Variants in RIC3 observed in about 807,000 individuals in gnomAD.
The protein encoded by RIC3 is RIC3 acetylcholine receptor chaperone.
In RIC3, 28 loss-of-function variants were observed where a neutral mutation model predicts 27.3. The observed-to-expected ratio is 1.02, with a 90% CI of 0.76 to 1.41. The LOEUF (loss-of-function observed/expected upper bound fraction) is 1.41. Ranked by LOEUF, RIC3 falls within the 40% of genes most tolerant of loss-of-function variation. RIC3 has a pLI of 0.00. For missense variants in RIC3, 501 were observed against 444.7 expected, an observed-to-expected ratio of 1.13 and a Z score of -1.14; for synonymous variants, 184 against 160.4, an observed-to-expected ratio of 1.15 and a Z score of -1.11.
At chr11:8,165,696 C>A (rs1425828832) in intron 1 of RIC3, among the ~76,000 whole-genome samples, 4 of 141,614 alleles carry the variant, frequency 2.8e-5, no homozygotes, top group South Asian at 2.3e-4. Context: ...TAAATTAGAT[C>A]TCAAGAAAGC....
At chr11:8,100,939 C>T in the RIC3 span, 1 of 1,614,174 alleles carries the variant, frequency 6.2e-7, no homozygotes, top group Non-Finnish European at 8.5e-7. Flanking sequence ...TACTCAACTT[C>T]CATGGGCGCG....
At chr11:8,101,020 A>G in the RIC3 span, 1 of 1,613,616 alleles carries the variant, frequency 6.2e-7, no homozygotes, top group East Asian at 2.2e-5. Flanking sequence ...GTCCCTACTC[A>G]TTATGGTCCG....
At chr11:8,159,789 G>A (rs1049842211) in intron 1 of RIC3, among the ~76,000 whole-genome samples, 14 of 152,070 alleles carry the variant, frequency 9.2e-5, no homozygotes, top group Admixed American at 2.0e-4. Flanking sequence ...TCAAGGGTTC[G>A]ATACCAGCCT....
At chr11:8,117,988 C>A (rs184638106) in intron 5 of RIC3, among the ~76,000 whole-genome samples, 3 of 151,492 alleles carry the variant, frequency 2.0e-5, no homozygotes, top group African/African-American at 7.3e-5. Context: ...TTTGGGAGGC[C>A]GAGGCGGGCA....
the RIC3 span, among the ~76,000 whole-genome samples, chr11:8,096,482 A>G: frequency 2.0e-5 from 3 of 152,178 alleles, no homozygotes; most frequent in Non-Finnish European, 4.4e-5. Flanking sequence ...TGTACCTGAG[A>G]GAATATCCTT....
At chr11:8,148,015 T>C (rs1949882196) in intron 1 of RIC3, among the ~76,000 whole-genome samples, 1 of 152,036 alleles carries the variant, frequency 6.6e-6, no homozygotes, top group East Asian at 1.9e-4. Flanking sequence ...ATGAGCCGAA[T>C]TTGGGTAAGA....
In RIC3 at chr11:8,139,982, C is replaced by G. The variant is rs1274849559; in HGVS notation, c.336G>C (p.Leu112=). The G allele has an allele frequency of 1.9e-6, 3 of 1,613,276 alleles. No individual in the cohort carries two copies. In the African/African-American group the frequency reaches 4.0e-5, roughly 22 times the overall value. ...IYGFGIFLYI[L]YILFKLSKGK... is the part of the protein sequence containing the mutation. ...TTCTACTTACCTTAAATAGAATGTA[C>G]AGTATATATAAAAAAATCCCAAAAC... The change falls in exon 2 of 6, where the codon CTG becomes CTC. Residue 112 remains leucine, a synonymous_variant. Transcript: ENST00000309737.
intron 1 of RIC3, among the ~76,000 whole-genome samples, chr11:8,165,515 C>T (rs1398188624): frequency 6.6e-6 from 1 of 152,008 alleles, no homozygotes; most frequent in East Asian, 1.9e-4. Flanking sequence ...TGAGTGGTTG[C>T]CTAGGGCTGG....
At chr11:8,155,498 C>G (rs909392671) in intron 1 of RIC3, among the ~76,000 whole-genome samples, 1 of 152,106 alleles carries the variant, frequency 6.6e-6, no homozygotes, top group African/African-American at 2.4e-5. Flanking sequence ...ATCGCTTGAA[C>G]CCGGGAGGCG....
In RIC3 at chr11:8,165,325, A is replaced by G. The variant is rs148641160; in HGVS notation, c.124+3541T>C. ...GATTAATGAATAAATGAAATGTGGT[A>G]TATCCACACAATGAAATATTATTCA... On this transcript the variant is annotated intron_variant, in intron 1 of 5. Transcript: ENST00000309737. 9.9e-4 allele frequency among the ~76,000 whole-genome samples: 134 copies of G among 134,964 alleles called. 1 individual carries two copies. Among genetic ancestry groups the G allele is most frequent in the Non-Finnish European group, 7.8e-4 (48 of 61,522 alleles). The allele number at this position is 134,964 out of a possible 152,430, so 88.5% of individuals were successfully genotyped here.
chr11:8,095,602 A>G, the RIC3 span: 1 of 1,612,764 alleles, frequency 6.2e-7, no homozygotes, highest in Non-Finnish European at 8.5e-7. Context: ...CGCAGGGGAG[A>G]CGGCAGCTGG....
chr11:8,138,170 C>T (rs1948625688), intron 3 of RIC3, 102 bp downstream of exon 3: 1 of 795,248 alleles, frequency 1.3e-6, no homozygotes, highest in Non-Finnish European at 2.0e-6. Flanking sequence ...TTTGGAGCAA[C>T]TTTTGAGAAA....
downstream of RIC3, chr11:8,105,858 C>T (rs1944570367): frequency 6.6e-6 from 1 of 152,134 alleles, no homozygotes; most frequent in African/African-American, 2.4e-5. Flanking sequence ...CCAGAGTTTC[C>T]TAGAACGCAA....
Position 8,126,763 on chromosome 11 carries a change from T to G in RIC3, c.566A>C (p.His189Pro). The change falls in exon 5 of 6, where the codon CAT becomes CCT. Residue 189 changes from histidine (H) to proline (P), a missense_variant. By Grantham distance (77) the His-to-Pro change is moderately conservative (BLOSUM62 -2). Transcript: ENST00000309737. Reference protein sequence around the residue: ...VTSDQEKRLLHQLREITRVMK... With the variant: ...VTSDQEKRLLPQLREITRVMK... ...GACCCTGGTGATTTCTCGGAGCTGA[T>G]GTAGCAACCGTTTCTCTTGGTCAGA... 1 of 1,614,190 alleles carries G rather than the reference T, an allele frequency of 6.2e-7. No individual in the cohort carries two copies. Among genetic ancestry groups the G allele is most frequent in the African/African-American group, 1.3e-5 (1 of 75,062 alleles).
intron 1 of RIC3, among the ~76,000 whole-genome samples, chr11:8,160,466 G>A (rs1245520891): frequency 6.6e-6 from 1 of 152,166 alleles, no homozygotes; most frequent in African/African-American, 2.4e-5. Context: ...AAAATTTCAA[G>A]AGCTAGAATT....
the RIC3 span, chr11:8,097,459 T>C: frequency 1.9e-6 from 3 of 1,613,320 alleles, no homozygotes; most frequent in South Asian, 2.2e-5. Context: ...TCATCTAGGC[T>C]TTACAGCCCT....
chr11:8,140,487 G>C (rs1254191777), intron 1 of RIC3, among the ~76,000 whole-genome samples: 2 of 152,150 alleles, frequency 1.3e-5, no homozygotes, highest in Non-Finnish European at 2.9e-5. Context: ...CAAGGAATGT[G>C]ACTAGGACTG....
intron 1 of RIC3, among the ~76,000 whole-genome samples, chr11:8,168,347 A>T (rs2134436165): frequency 6.6e-6 from 1 of 152,286 alleles, no homozygotes; most frequent in African/African-American, 2.4e-5. Context: ...AATCTTCAAG[A>T]TATATTTTTA....
At chr11:8,123,925 T>C (rs1946732607) in intron 5 of RIC3, among the ~76,000 whole-genome samples, 1 of 149,780 alleles carries the variant, frequency 6.7e-6, no homozygotes, top group Non-Finnish European at 1.5e-5. Flanking sequence ...AATTAAAAAA[T>C]TAGCCAGGCA....
Sources: allele counts gnomAD v4.1 joint callset (sites outside exome capture counted in the v4.1 genomes callset), GRCh38; gene constraint gnomAD v4.1.1; transcripts MANE v1.5; gene names NCBI Gene and HGNC (gene_info 2026-07-23, HGNC 2026-07-21).